GABRB2: variants seen among roughly 807,000 people sequenced by gnomAD.
GABRB2 encodes gamma-aminobutyric acid type A receptor subunit beta2.
A neutral mutation model predicts 54.7 loss-of-function variants in GABRB2; 16 were observed. That is an observed-to-expected ratio of 0.29 (90% CI 0.20 to 0.44). The LOEUF (loss-of-function observed/expected upper bound fraction) is 0.44. Ranked by LOEUF, GABRB2 falls within the 20% of genes least tolerant of loss-of-function variation. GABRB2 has a pLI of 1.00. For missense variants in GABRB2, 355 were observed against 644.0 expected (o/e 0.55, Z 4.86); for synonymous variants, 244 against 233.8 (o/e 1.04, Z -0.40).
intron 4 of GABRB2, among the ~76,000 whole-genome samples, chr5:161,439,675 T>C (rs948625067): frequency 6.6e-6 from 1 of 151,544 alleles, no homozygotes; most frequent in African/African-American, 2.4e-5. Flanking sequence ...AGCTAAAGAG[T>C]AGAATTTTTA....
Position 161,336,660 on chromosome 5 carries a change from A to G in GABRB2, c.651T>C (p.Leu217=). Residue 217 remains leucine, a synonymous_variant, in exon 6 of 10, where the codon CTT becomes CTC. Transcript: ENST00000393959. ...TGGAAAAAACAACCTTCTTGGTGAT[A>G]AGTTTGTAATCTACAATAGAGAACT... ...LPQFSIVDYK[L]ITKKVVFSTG... The G allele has an allele frequency of 1.2e-6, 2 of 1,613,382 alleles. No homozygotes were observed. The highest frequency in any genetic ancestry group is 1.7e-6 in the Non-Finnish European group (2 of 1,179,586).
intron 5 of GABRB2, among the ~76,000 whole-genome samples, chr5:161,402,957 T>TA (rs148185243): frequency 0.028 from 4,195 of 152,202 alleles, 173 homozygotes; most frequent in East Asian, 0.17. Context: ...TTGAATTTTT[T>TA]AAAAAATCCC....
chr5:161,379,269 A>T (rs2113480396), intron 5 of GABRB2, among the ~76,000 whole-genome samples: 1 of 152,162 alleles, frequency 6.6e-6, no homozygotes, highest in East Asian at 1.9e-4. Flanking sequence ...AAGCAAAAGC[A>T]ACAACAAATT....
intron 3 of GABRB2, among the ~76,000 whole-genome samples, chr5:161,517,920 C>A (rs1243921451): frequency 6.6e-6 from 1 of 152,046 alleles, no homozygotes; most frequent in Non-Finnish European, 1.5e-5. Context: ...CCTCAGCCTC[C>A]CAAGTAACTG....
In GABRB2 at chr5:161,290,651, C is replaced by T. The variant is rs1757212481; in HGVS notation, c.*3430G>A. On this transcript the variant is annotated 3_prime_UTR_variant, in exon 10 of 10. Coordinates refer to ENST00000393959, the MANE Select transcript of GABRB2 (RefSeq NM_001371727.1). ...GTATGTTTATATGAATCTATATATA[C>T]ACATATATACATGTAGATATGTTGT... 6.6e-6 allele frequency: 1 copy of T among 152,428 alleles called. No homozygotes were observed. The highest frequency in any genetic ancestry group is 1.5e-5 in the Non-Finnish European group (1 of 67,976). The allele number at this position is 152,428 out of a possible 1,614,324, so 9.4% of individuals were successfully genotyped here. A position where few individuals can be genotyped will look rare whatever the true frequency, so the allele number is the denominator to read the frequency against.
chr5:161,344,633 G>A (rs1754264521), intron 5 of GABRB2, among the ~76,000 whole-genome samples: 1 of 152,002 alleles, frequency 6.6e-6, no homozygotes, highest in African/African-American at 2.4e-5. Context: ...GGGAGACAGT[G>A]TGGCTATTTC....
At chr5:161,457,401 C>A (rs985793194) in intron 4 of GABRB2, among the ~76,000 whole-genome samples, 1 of 151,598 alleles carries the variant, frequency 6.6e-6, no homozygotes, top group Non-Finnish European at 1.5e-5. Context: ...TATAAAGAAG[C>A]CAATTTATCA....
intron 3 of GABRB2, among the ~76,000 whole-genome samples, chr5:161,485,922 G>T (rs1316471734): frequency 6.6e-6 from 1 of 151,878 alleles, no homozygotes; most frequent in Non-Finnish European, 1.5e-5. Flanking sequence ...TGGGAATGAA[G>T]GCAACAAAAA....
At chr5:161,471,823 T>C (rs1758448533) in intron 3 of GABRB2, among the ~76,000 whole-genome samples, 1 of 151,982 alleles carries the variant, frequency 6.6e-6, no homozygotes, top group East Asian at 1.9e-4. Flanking sequence ...ATTTGTGCTT[T>C]TTATTGCCCT....
intron 4 of GABRB2, among the ~76,000 whole-genome samples, chr5:161,448,284 G>A (rs1757691905): frequency 6.6e-6 from 1 of 152,224 alleles, no homozygotes; most frequent in South Asian, 2.1e-4. Flanking sequence ...TTAGCCGGAT[G>A]TAGTGGTGTG....
intron 4 of GABRB2, among the ~76,000 whole-genome samples, chr5:161,415,903 G>A (rs989339018): frequency 6.8e-5 from 10 of 147,562 alleles, no homozygotes; most frequent in East Asian, 4.1e-4. Context: ...GTGATCCACC[G>A]CACCCGGCCC....
intron 4 of GABRB2, among the ~76,000 whole-genome samples, chr5:161,438,391 A>T (rs951951597): frequency 1.3e-5 from 2 of 152,144 alleles, no homozygotes; most frequent in African/African-American, 2.4e-5. Flanking sequence ...CATGCAAATC[A>T]TTTCAAACAT....
chr5:161,377,155 G>T (rs1285056690), intron 5 of GABRB2, among the ~76,000 whole-genome samples: 1 of 152,050 alleles, frequency 6.6e-6, no homozygotes, highest in Non-Finnish European at 1.5e-5. Context: ...TTTGGTAAAT[G>T]ATCTTTTAAA....
At chr5:161,447,839 A>C (rs779378803) in intron 4 of GABRB2, among the ~76,000 whole-genome samples, 2 of 152,106 alleles carry the variant, frequency 1.3e-5, no homozygotes, top group African/African-American at 2.4e-5. Context: ...TTTTCTCCCC[A>C]TGGGAAATAA....
At chr5:161,425,400 T>G (rs1756969945) in intron 4 of GABRB2, among the ~76,000 whole-genome samples, 1 of 152,086 alleles carries the variant, frequency 6.6e-6, no homozygotes, top group Non-Finnish European at 1.5e-5. Flanking sequence ...ATCCTGATCA[T>G]TCAGCAGGTT....
intron 3 of GABRB2, among the ~76,000 whole-genome samples, chr5:161,503,264 G>A (rs915021388): frequency 6.6e-6 from 1 of 151,722 alleles, no homozygotes; most frequent in Admixed American, 6.6e-5. Flanking sequence ...CAGAGATATA[G>A]AAACTATTTT....
rs370040875 is a variant in GABRB2, at chr5:161,468,572, T to A, written c.238-8728A>T. Among the ~76,000 whole-genome samples the A allele has an allele frequency of 4.6e-5, 7 of 152,124 alleles. No individual in the cohort carries two copies. In the East Asian group the frequency reaches 1.4e-3, roughly 30 times the overall value. ...TGTCACATCCCTCATTTTTATAATG[T>A]TCACAGTACTTACTATATTTTTTCA... On this transcript the variant is annotated intron_variant, in intron 3 of 9. Transcript: ENST00000393959.
chr5:161,410,209 C>G (rs1214570344), intron 5 of GABRB2, among the ~76,000 whole-genome samples: 1 of 152,096 alleles, frequency 6.6e-6, no homozygotes, highest in African/African-American at 2.4e-5. Context: ...GACAGAGACT[C>G]AAAATGTTCT....
chr5:161,546,740 C>T (rs751131274), upstream of GABRB2: 13 of 1,525,582 alleles, frequency 8.5e-6, no homozygotes, highest in Non-Finnish European at 1.1e-5. Flanking sequence ...CGCATGCGCA[C>T]GGCGTACCAA....
Sources: allele counts gnomAD v4.1 joint callset (sites outside exome capture counted in the v4.1 genomes callset), GRCh38; gene constraint gnomAD v4.1.1; transcripts MANE v1.5; gene names NCBI Gene and HGNC (gene_info 2026-07-23, HGNC 2026-07-21).